BZW1: variants seen among roughly 807,000 people sequenced by gnomAD.
The protein encoded by BZW1 is basic leucine zipper and W2 domains 1, also known as eIF5-mimic protein 2.
Under a neutral mutation model 54.1 loss-of-function variants are expected in BZW1, and 3 were observed. The ratio of observed to expected loss-of-function variants is 0.06; its 90% CI spans 0.03 to 0.14. BZW1 has a LOEUF of 0.14. Among genes scored for constraint, BZW1 ranks in the 10% least tolerant of loss-of-function variants. The pLI, the probability that BZW1 is intolerant of heterozygous loss-of-function variation, is 1.00. For synonymous variants in BZW1, 152 were observed against 162.7 expected (o/e 0.93, Z 0.50); for missense variants, 206 against 491.7 (o/e 0.42, Z 5.50).
intron 1 of BZW1, chr2:200,812,488 G>T: frequency 1.5e-6 from 2 of 1,343,942 alleles, no homozygotes; most frequent in South Asian, 1.9e-5. Context: ...CACCGCAGGC[G>T]ACAGGGTCAG....
At position 200,826,407 on chromosome 2, in the gene BZW1, A is replaced by AGATAGATAT. The variant is rs1559318394; in HGVS notation, c.*4229_*4230insGATAGATAT. 13 of 54,944 alleles carry AGATAGATAT rather than the reference A, an allele frequency of 2.4e-4. No homozygotes were observed. Among genetic ancestry groups the AGATAGATAT allele is most frequent in the African/African-American group, 5.9e-4 (7 of 11,770 alleles). The allele number at this position is 54,944 out of a possible 1,614,324, so 3.4% of individuals were successfully genotyped here. A position where few individuals can be genotyped will look rare whatever the true frequency, so the allele number is the denominator to read the frequency against. ...TAGATAGATAGATAGATAGATAGAT[A>AGATAGATAT]TTTTTTTTTTTTTTTTTTTTTTTTT... On this transcript the variant is annotated 3_prime_UTR_variant, in exon 12 of 12. Coordinates refer to ENST00000409600, the MANE Select transcript of BZW1 (RefSeq NM_001207067.2).
chr2:200,814,199 G>T (rs565881324), intron 2 of BZW1, among the ~76,000 whole-genome samples: 1 of 152,308 alleles, frequency 6.6e-6, no homozygotes, highest in African/African-American at 2.4e-5. Context: ...TGTATCTCTT[G>T]AATATGTGGG....
intron 2 of BZW1, among the ~76,000 whole-genome samples, 183 bp from the exon 3 acceptor site, chr2:200,815,158 A>G (rs1166321670): frequency 6.6e-6 from 1 of 152,260 alleles, no homozygotes; most frequent in Non-Finnish European, 1.5e-5. Context: ...TTGTGAAATT[A>G]TTTGAAAAGT....
In BZW1 at chr2:200,813,238, A is replaced by G; in HGVS notation, c.21A>G (p.Gln7=). The part of the protein sequence containing the change: MNNQKQ[Q]KPTLSGQRFK... ...CTTTTATGAATAATCAAAAGCAGCA[A>G]AAGCCAACGCTATCAGGCCAGCGTT... Residue 7 remains glutamine (Q), a synonymous_variant, in exon 2 of 12, where the codon CAA becomes CAG. Coordinates refer to ENST00000409600, the MANE Select transcript of BZW1 (RefSeq NM_001207067.2). The G allele has an allele frequency of 1.2e-6, 2 of 1,613,760 alleles. No homozygotes were observed. Among genetic ancestry groups the G allele is most frequent in the South Asian group, 2.2e-5 (2 of 91,066 alleles).
chr2:200,819,837 AT>A (rs781729655), intron 9 of BZW1, 144 bp from the exon 10 acceptor site: 7 of 800,218 alleles, frequency 8.7e-6, no homozygotes, highest in East Asian at 7.0e-5. Context: ...TGCCCAGCCT[AT>A]TTTTTAAATT....
Position 200,823,199 on chromosome 2 carries a change from A to T in BZW1, c.*1021A>T, listed in dbSNP as rs989019694. On this transcript the variant is annotated 3_prime_UTR_variant, in exon 12 of 12. Transcript: ENST00000409600. ...CTTAGAGTATTTGCTATAACAAATG[A>T]AGTGCAATGACAATTATATATTCCT... 8 of 164,944 alleles carry T rather than the reference A, an allele frequency of 4.9e-5. No individual in the cohort carries two copies. Among genetic ancestry groups the T allele is most frequent in the Non-Finnish European group, 1.0e-4 (7 of 68,054 alleles). 10.2% of individuals were successfully genotyped at this position (164,944 alleles called of 1,614,324 possible).
chr2:200,813,111 C>G (rs1188956685), intron 1 of BZW1, 97 bp from the exon 2 acceptor site: 2 of 980,306 alleles, frequency 2.0e-6, no homozygotes, highest in Non-Finnish European at 3.1e-6. Flanking sequence ...AGTGGGTGTT[C>G]CATTTGATTC....
chr2:200,821,351 A>T, intron 11 of BZW1, 46 bp downstream of exon 11: 1 of 1,606,152 alleles, frequency 6.2e-7, no homozygotes, highest in East Asian at 2.2e-5. Context: ...GCTAATTTTA[A>T]TGTGGCCATA....
rs1260518222 is a variant in BZW1, at chr2:200,823,568, T to TA, written c.*1391dup. On this transcript the variant is annotated 3_prime_UTR_variant, in exon 12 of 12. Transcript: ENST00000409600. ...TCGCCCCTTTTGAAGGTGCCATTCT[T>TA]ATGAGCCAAAAGTTTGTCATTTAAA... 6.6e-6 allele frequency: 1 copy of TA among 152,504 alleles called. No homozygotes were observed. Among genetic ancestry groups the TA allele is most frequent in the Non-Finnish European group, 1.5e-5 (1 of 68,006 alleles). 9.4% of individuals were successfully genotyped at this position (152,504 alleles called of 1,614,324 possible).
intron 5 of BZW1, 62 bp downstream of exon 5, chr2:200,816,452 A>T: frequency 8.2e-7 from 1 of 1,224,194 alleles, no homozygotes; most frequent in Non-Finnish European, 1.1e-6. Context: ...GGAATGTTAA[A>T]TCCTAATTCC....
chr2:200,821,225 A>T lies in BZW1; in HGVS notation c.1148A>T (p.Asp383Val), dbSNP rs745707668. Residue 383 changes from aspartate (D) to valine (V), a missense_variant, in exon 11 of 12, where the codon GAT (aspartate) becomes GTT (valine). Asp to Val is a radical substitution (Grantham distance 152). Transcript: ENST00000409600. ...SEEPILKWYK[D>V]AHVAKGKSVF... ...GAGCCCATTTTGAAGTGGTATAAAG[A>T]TGCACATGTTGCAAAGGGGAAGAGT... 3 of 1,612,458 alleles carry T rather than the reference A, an allele frequency of 1.9e-6. No homozygotes were observed. Among genetic ancestry groups the T allele is most frequent in the Non-Finnish European group, 1.7e-6 (2 of 1,179,696 alleles).
rs2038694472 is a variant in BZW1 at position 200,826,396 on chromosome 2, GATAGATAGAT to G, written c.*4221_*4230del. Reference sequence around the variant, plus strand: ...ATATAGATAGATAGATAGATAGATAGATAGATAGATATTTTTTTTTTTTTTTTTTTTTTTT... The same window carrying G: ...ATATAGATAGATAGATAGATAGATAGATTTTTTTTTTTTTTTTTTTTTTTT... On this transcript the variant is annotated 3_prime_UTR_variant, in exon 12 of 12. Coordinates refer to ENST00000409600, the MANE Select transcript of BZW1 (RefSeq NM_001207067.2). 1.5e-3 allele frequency: 91 copies of G among 60,522 alleles called. 2 individuals carry two copies. Among genetic ancestry groups the G allele is most frequent in the African/African-American group, 5.3e-3 (87 of 16,462 alleles). 3.7% of individuals were successfully genotyped at this position (60,522 alleles called of 1,614,324 possible).
Position 200,824,568 on chromosome 2 carries a change from A to G in BZW1, c.*2390A>G, listed in dbSNP as rs986985573. 1.3e-5 allele frequency: 2 copies of G among 151,808 alleles called. No homozygotes were observed. The highest frequency in any genetic ancestry group is 4.8e-5 in the African/African-American group (2 of 41,392). The allele number at this position is 151,808 out of a possible 1,614,324, so 9.4% of individuals were successfully genotyped here. Reference sequence around the variant, plus strand: ...CAAAAATGCTACAGGATATTTTGAAATAGCATATTTTAGTTAGGGGAAATG... The same window carrying G: ...CAAAAATGCTACAGGATATTTTGAAGTAGCATATTTTAGTTAGGGGAAATG... On this transcript the variant is annotated 3_prime_UTR_variant, in exon 12 of 12. Coordinates refer to ENST00000409600, the MANE Select transcript of BZW1 (RefSeq NM_001207067.2).
chr2:200,816,864 C>T (rs972423413), intron 5 of BZW1, among the ~76,000 whole-genome samples: 1 of 152,180 alleles, frequency 6.6e-6, no homozygotes, highest in East Asian at 1.9e-4. Context: ...TACTAATTCA[C>T]TCAATGTTTA....
intron 1 of BZW1, 158 bp downstream of exon 1, chr2:200,812,148 G>A: frequency 9.2e-7 from 1 of 1,092,510 alleles, no homozygotes; most frequent in Non-Finnish European, 1.2e-6. Flanking sequence ...CTGAAAGGCC[G>A]CCGCTTCGGC....
chr2:200,813,340 C>A, intron 2 of BZW1, 59 bp downstream of exon 2: 1 of 1,444,308 alleles, frequency 6.9e-7, no homozygotes, highest in Non-Finnish European at 9.6e-7. Context: ...GTGTATCTTG[C>A]CTTCTCTGAC....
chr2:200,811,851 A>C (rs2038073758), upstream of BZW1: 1 of 173,966 alleles, frequency 5.7e-6, no homozygotes. Context: ...AAGGGGAAGA[A>C]ATCTCGCGAT....
intron 1 of BZW1, chr2:200,812,454 T>G (rs1231508331): frequency 1.5e-6 from 2 of 1,332,726 alleles, no homozygotes; most frequent in East Asian, 5.8e-5. Context: ...TCAGTGACTG[T>G]GGTCCGCTCG....
At chr2:200,818,935 TCTG>T (rs2038398701) in intron 9 of BZW1, 34 bp downstream of exon 9, 4 of 1,522,880 alleles carry the variant, frequency 2.6e-6, no homozygotes, top group Non-Finnish European at 2.6e-6. Flanking sequence ...AACAAACTAT[TCTG>T]CTTTCACGTG....
Sources: gnomAD v4.1 joint callset for allele counts (sites outside exome capture counted in the v4.1 genomes callset) on GRCh38, gnomAD v4.1.1 for gene constraint, MANE v1.5 for transcripts, NCBI Gene and HGNC (gene_info 2026-07-23, HGNC 2026-07-21) for gene names.